The following HIVEP3 variants were observed in gnomAD, a reference collection of about 807,000 sequenced individuals.
HIVEP3 encodes the protein HIVEP zinc finger 3, also known as transcription factor HIVEP3.
In HIVEP3, 49 loss-of-function variants were observed where a neutral mutation model predicts 152.8. The ratio of observed to expected loss-of-function variants is 0.32; its 90% CI spans 0.26 to 0.41. The LOEUF is 0.41. HIVEP3 is among the 10% of genes least tolerant of loss of function. The probability of loss-of-function intolerance (pLI) is 1.00; values close to 1 mark genes in which losing one functional copy is unlikely to be tolerated. For missense variants in HIVEP3, 2,790 were observed against 3,103.3 expected (o/e 0.90, Z 2.40); for synonymous variants, 1,269 against 1,289.0 (o/e 0.98, Z 0.33).
rs555034623 is a variant in HIVEP3, at chr1:41,696,318, C to T, written c.-721+4598G>A. 4.2e-3 allele frequency among the ~76,000 whole-genome samples: 641 copies of T among 152,354 alleles called. 8 individuals carry two copies. The highest frequency in any genetic ancestry group is 0.015 in the African/African-American group (620 of 41,580). On this transcript the variant is annotated intron_variant, in intron 2 of 8. Transcript: ENST00000372583. ...TTTGGTGGGCCACCTGCCCACGGGG[C>T]GCAGCCTGCTGGGCCACGAACATCA... is the stretch of plus-strand genomic sequence containing the variant.
intron 1 of HIVEP3, among the ~76,000 whole-genome samples, chr1:41,803,060 G>A (rs779685813): frequency 6.6e-6 from 1 of 152,240 alleles, no homozygotes; most frequent in Non-Finnish European, 1.5e-5. Context: ...AAGGCAGAAG[G>A]ATGGGCCTAG....
chr1:41,510,473 T>C lies in HIVEP3; in HGVS notation c.7199A>G (p.Asp2400Gly). 6.5e-7 allele frequency: 1 copy of C among 1,534,912 alleles called. No homozygotes were observed. The highest frequency in any genetic ancestry group is 8.8e-7 in the Non-Finnish European group (1 of 1,137,918). Residue 2400 changes from aspartate (D) to glycine (G), a missense_variant, in exon 9 of 9, where the codon GAC becomes GGC. Coordinates refer to ENST00000372583, the MANE Select transcript of HIVEP3 (RefSeq NM_024503.5). ...AGGCTAAGCGTTGGGGGGAACCCTG[T>C]CCTCAGGCTGATGTGGATGTGCCCT... ...EPRAHPHQPE[D>G]RVPPNA
chr1:42,014,021 C>T (rs910520019), intron 1 of HIVEP3, among the ~76,000 whole-genome samples: 1 of 152,172 alleles, frequency 6.6e-6, no homozygotes, highest in Non-Finnish European at 1.5e-5. Flanking sequence ...ATTTCATGTG[C>T]CCCTGGCATA....
intron 1 of HIVEP3, chr1:41,848,913 T>C (rs991566503): frequency 6.6e-6 from 1 of 152,620 alleles, no homozygotes; most frequent in Admixed American, 6.5e-5. Flanking sequence ...CCAGCTCTTC[T>C]TGGGGCTCCA....
At chr1:41,795,382 C>T (rs1025130823) in intron 1 of HIVEP3, among the ~76,000 whole-genome samples, 1 of 152,204 alleles carries the variant, frequency 6.6e-6, no homozygotes, top group Admixed American at 6.5e-5. Context: ...ATGCCCTTTT[C>T]TCCATTTCTG....
rs1645090901 is a variant in HIVEP3 at position 41,949,083 on chromosome 1, C to CTG, written n.120-30560_120-30559insCA. On this transcript the variant is annotated intron_variant and non_coding_transcript_variant, in intron 1 of 3. Coordinates refer to the HIVEP3 transcript ENST00000489103. The stretch of plus-strand genomic sequence containing the variant: ...AATGCATCAGGTGGGTAACTCCTCC[C>CTG]ACACAAATAGTCTGTCTACCCACAG... Among the ~76,000 whole-genome samples the CTG allele has an allele frequency of 7.2e-5, 11 of 152,328 alleles. No individual in the cohort carries two copies. The South Asian group carries it at 2.1e-3, about 29-fold the overall frequency.
chr1:41,983,880 C>T (rs1446246422), intron 1 of HIVEP3, among the ~76,000 whole-genome samples: 1 of 152,170 alleles, frequency 6.6e-6, no homozygotes, highest in African/African-American at 2.4e-5. Flanking sequence ...CAGGATGTAA[C>T]AAACATACAG....
chr1:41,577,574 C>A (rs966463316), intron 4 of HIVEP3, among the ~76,000 whole-genome samples: 2 of 152,056 alleles, frequency 1.3e-5, no homozygotes, highest in Non-Finnish European at 2.9e-5. Flanking sequence ...AGGGTTTATA[C>A]GTGGAAGAAA....
At chr1:41,515,959 G>A (rs1642592849) in intron 7 of HIVEP3, among the ~76,000 whole-genome samples, 1 of 152,210 alleles carries the variant, frequency 6.6e-6, no homozygotes, top group Non-Finnish European at 1.5e-5. Flanking sequence ...GTAGTGTTAG[G>A]AGTGAAGGAG....
At chr1:41,865,530 G>A (rs141725242) in intron 1 of HIVEP3, 140 of 152,380 alleles carry the variant, frequency 9.2e-4, no homozygotes, top group South Asian at 2.1e-3. Flanking sequence ...TGGCATTATC[G>A]CTGTTTCCTC....
intron 1 of HIVEP3, among the ~76,000 whole-genome samples, chr1:41,878,364 A>G (rs113282687): frequency 4.5e-4 from 69 of 152,332 alleles, no homozygotes; most frequent in African/African-American, 1.3e-3. Flanking sequence ...CCAAAAGGAT[A>G]TGAGGGTCCT....
intron 2 of HIVEP3, among the ~76,000 whole-genome samples, chr1:41,677,552 G>C (rs1167889137): frequency 1.3e-5 from 2 of 152,248 alleles, no homozygotes; most frequent in Non-Finnish European, 2.9e-5. Context: ...AGCCTAGAAT[G>C]TTCTTGGCTA....
In HIVEP3 at chr1:41,582,714, C is replaced by G. The variant is rs1644433925; in HGVS notation, c.2084G>C (p.Trp695Ser). 1 of 1,614,000 alleles carries G rather than the reference C, an allele frequency of 6.2e-7. No individual in the cohort carries two copies. The highest frequency in any genetic ancestry group is 1.1e-5 in the South Asian group (1 of 91,082). Residue 695 changes from tryptophan to serine, a missense_variant, in exon 4 of 9, where the codon TGG becomes TCG. Trp to Ser is a radical substitution (Grantham distance 177). Around this residue, in one of 9 missense-constraint regions of HIVEP3, gnomAD observed 339 missense variants for 327.0 expected, o/e 1.04. Transcript: ENST00000372583. This position sits in a 1 kb window ranked among gnomAD's most constrained non-coding sequence, Gnocchi z 4.7. The part of the protein sequence containing the change: ...AEKSQIEHEP[W>S]SQMMHYKLGT... ...CAGTTTGTAATGCATCATTTGGGAC[C>G]ACGGCTCATGCTCAATCTGACTCTT...
At chr1:41,523,614 C>T (rs534242355) in intron 6 of HIVEP3, among the ~76,000 whole-genome samples, 9 of 152,256 alleles carry the variant, frequency 5.9e-5, no homozygotes, top group Admixed American at 3.3e-4. Context: ...AGCAAGAGCA[C>T]GGAGGAAGTG....
At chr1:41,741,214 G>A (rs1289537214) in intron 1 of HIVEP3, among the ~76,000 whole-genome samples, 1 of 152,102 alleles carries the variant, frequency 6.6e-6, no homozygotes, top group Non-Finnish European at 1.5e-5. Flanking sequence ...AGGAGGGGAA[G>A]CTTCCCCTTC....
At chr1:41,808,730 G>T (rs1047126162) in intron 1 of HIVEP3, among the ~76,000 whole-genome samples, 10 of 152,336 alleles carry the variant, frequency 6.6e-5, no homozygotes, top group African/African-American at 2.4e-4. Context: ...TTTGGGGGTA[G>T]AAGTGAAATG....
intron 1 of HIVEP3, among the ~76,000 whole-genome samples, chr1:41,881,992 CT>C (rs1469605427): frequency 6.6e-6 from 1 of 152,186 alleles, no homozygotes; most frequent in African/African-American, 2.4e-5. Flanking sequence ...GACCAGCCCC[CT>C]GATCCTAAGG....
At chr1:41,734,985 C>T (rs1340041500) in intron 1 of HIVEP3, among the ~76,000 whole-genome samples, 1 of 152,194 alleles carries the variant, frequency 6.6e-6, no homozygotes, top group Non-Finnish European at 1.5e-5. Context: ...AAACACATCC[C>T]TTCTTCAGTG....
At chr1:41,802,276 C>T (rs111918431) in intron 1 of HIVEP3, among the ~76,000 whole-genome samples, 22,061 of 152,104 alleles carry the variant, frequency 0.15, 1,729 homozygotes, top group East Asian at 0.28. Flanking sequence ...TGTGCAGTGG[C>T]GCCATCTCAG....
Sources: allele counts gnomAD v4.1 joint callset (sites outside exome capture counted in the v4.1 genomes callset), GRCh38; gene constraint gnomAD v4.1.1; regional missense constraint gnomAD v4.1.1; non-coding constraint Gnocchi (gnomAD v3.1); transcripts MANE v1.5; gene names NCBI Gene and HGNC (gene_info 2026-07-23, HGNC 2026-07-21).